Variants in BEND7 observed in about 807,000 individuals in gnomAD.
BEND7 encodes the protein BEN domain-containing protein 7.
BEND7 carries 28 observed loss-of-function variants against 50.9 expected under a neutral mutation model. The observed-to-expected ratio is 0.55, with a 90% CI of 0.41 to 0.75. BEND7 has a LOEUF of 0.75. Ranked by LOEUF, BEND7 falls within the 30% of genes least tolerant of loss-of-function variation. The pLI is 0.00. For missense variants in BEND7, 477 were observed against 491.3 expected, an observed-to-expected ratio of 0.97 and a Z score of 0.28; for synonymous variants, 170 against 183.9, an observed-to-expected ratio of 0.92 and a Z score of 0.61.
intron 6 of BEND7, chr10:13,480,584 C>G: frequency 5.6e-6 from 5 of 899,808 alleles, no homozygotes; most frequent in Non-Finnish European, 3.9e-6. Context: ...AAGTCATATT[C>G]TGAGGAAGCT....
chr10:13,441,959 G>C (rs1835391758), intron 8 of BEND7: 1 of 596,540 alleles, frequency 1.7e-6, no homozygotes, highest in Non-Finnish European at 3.0e-6. Context: ...CCAGCTTTTT[G>C]TTACAGTACA....
chr10:13,499,949 A>C lies in BEND7; in HGVS notation c.277T>G (p.Leu93Val), dbSNP rs2132198764. The change falls in exon 3 of 9, where the codon TTA becomes GTA. Residue 93 changes from leucine (L) to valine (V), a missense_variant. By Grantham distance (32) the Leu-to-Val change is conservative. This residue lies in a region of BEND7 where 396 missense variants were observed against 384.2 expected (regional missense o/e 1.03). Transcript: ENST00000466271. ...KLKEEPQDLD[L>V]VWPPRLNSSA... ...GAGTTCAAACGTGGAGGCCAGACTA[A>C]ATCCAGGTCCTGGGGCTCTTCTTTT... 6.2e-7 allele frequency: 1 copy of C among 1,614,140 alleles called. No homozygotes were observed. The highest frequency in any genetic ancestry group is 2.2e-5 in the East Asian group (1 of 44,880).
chr10:13,460,465 A>T (rs1000138149), intron 6 of BEND7, among the ~76,000 whole-genome samples: 8 of 152,150 alleles, frequency 5.3e-5, no homozygotes, highest in African/African-American at 1.9e-4. Context: ...GGGTCTCACT[A>T]TGTTGCCCAG....
chr10:13,510,915 C>T (rs1403636483), intron 2 of BEND7, among the ~76,000 whole-genome samples: 1 of 151,780 alleles, frequency 6.6e-6, no homozygotes, highest in Non-Finnish European at 1.5e-5. Context: ...CAGTGGCTCA[C>T]GCCTATAATC....
chr10:13,454,813 G>T (rs1307676413), intron 6 of BEND7, among the ~76,000 whole-genome samples: 5 of 152,190 alleles, frequency 3.3e-5, no homozygotes, highest in Non-Finnish European at 7.3e-5. Context: ...GAAATCTACA[G>T]TTCAGAGAAG....
chr10:13,490,683 T>G (rs2076590149), intron 5 of BEND7, among the ~76,000 whole-genome samples: 1 of 152,248 alleles, frequency 6.6e-6, no homozygotes, highest in South Asian at 2.1e-4. Flanking sequence ...TGCCCACAGA[T>G]AAAGGCTGAA....
At chr10:13,469,201 T>C (rs1018351679) in intron 6 of BEND7, among the ~76,000 whole-genome samples, 1 of 151,712 alleles carries the variant, frequency 6.6e-6, no homozygotes, top group Admixed American at 6.6e-5. Context: ...TATAAAAGGG[T>C]TTCTGAGAAA....
chr10:13,523,540 C>T (rs749273241), intron 2 of BEND7, among the ~76,000 whole-genome samples: 19 of 152,184 alleles, frequency 1.2e-4, no homozygotes, highest in Admixed American at 3.9e-4. Context: ...TATAGACCAT[C>T]CCTGGGACAG....
chr10:13,478,206 C>G (rs1157533059), intron 6 of BEND7, among the ~76,000 whole-genome samples: 2 of 152,156 alleles, frequency 1.3e-5, no homozygotes, highest in African/African-American at 2.4e-5. Context: ...CCAGTGTCCT[C>G]TCCTGTGATC....
At position 13,518,576 on chromosome 10, in the gene BEND7, C is replaced by A. The variant is rs144512757; in HGVS notation, c.145+7562G>T. Among the ~76,000 whole-genome samples the A allele has an allele frequency of 1.5e-3, 233 of 152,292 alleles. 7 individuals are homozygous for A. In the South Asian group the frequency reaches 0.038, roughly 25 times the overall value. ...ACCTGTGTTAGAGCAGAATAAGGAA[C>A]AAGCAGAACAAATGTGATTTTCCAA... On this transcript the variant is annotated intron_variant, in intron 2 of 8. Transcript: ENST00000466271.
intron 5 of BEND7, among the ~76,000 whole-genome samples, chr10:13,487,205 A>C (rs558641040): frequency 1.2e-4 from 18 of 152,128 alleles, no homozygotes; most frequent in Non-Finnish European, 2.4e-4. Flanking sequence ...TTTTCACCCT[A>C]TGAAATGGCT....
chr10:13,487,073 A>G (rs2131866323), intron 5 of BEND7, among the ~76,000 whole-genome samples: 1 of 152,356 alleles, frequency 6.6e-6, no homozygotes, highest in South Asian at 2.1e-4. Context: ...CTTCAAGGGC[A>G]GGGACTATTT....
chr10:13,492,710 C>T lies in BEND7; in HGVS notation c.738G>A (p.Val246=). Residue 246 remains valine (V), a synonymous_variant, in exon 5 of 9, where the codon GTG becomes GTA. Coordinates refer to ENST00000466271, the MANE Select transcript of BEND7 (RefSeq NM_001369863.1). Reference sequence around the variant, plus strand: ...CCTGGAGAGCAGATAGCTCAGAGGCCACCACCGACTTTTTCTCCATCTCTG... The same window carrying T: ...CCTGGAGAGCAGATAGCTCAGAGGCTACCACCGACTTTTTCTCCATCTCTG... The part of the protein sequence containing the change: ...SGSEMEKKSV[V]ASELSALQAA... 6.2e-7 allele frequency: 1 copy of T among 1,614,148 alleles called. No individual in the cohort carries two copies. Among genetic ancestry groups the T allele is most frequent in the Non-Finnish European group, 8.5e-7 (1 of 1,180,030 alleles).
At chr10:13,439,157 A>C (rs577638755), downstream of BEND7, 6 of 1,582,992 alleles carry the variant, frequency 3.8e-6, no homozygotes, top group African/African-American at 8.1e-5. Flanking sequence ...ACACACATAA[A>C]TAAGCAAGAT....
chr10:13,521,884 T>A (rs2079101991), intron 2 of BEND7, among the ~76,000 whole-genome samples: 1 of 152,230 alleles, frequency 6.6e-6, no homozygotes, highest in African/African-American at 2.4e-5. Flanking sequence ...CTCTCTAACT[T>A]GTAAAAGTGC....
intron 3 of BEND7, among the ~76,000 whole-genome samples, chr10:13,497,596 A>G (rs893754450): frequency 6.6e-6 from 1 of 152,088 alleles, no homozygotes. Flanking sequence ...CCTCTTTTGC[A>G]CTGTTTAAAT....
Position 13,481,077 on chromosome 10 carries a change from A to C in BEND7, c.885T>G (p.Ser295=). 1 of 1,614,164 alleles carries C rather than the reference A, an allele frequency of 6.2e-7. No individual in the cohort carries two copies. The highest frequency in any genetic ancestry group is 8.5e-7 in the Non-Finnish European group (1 of 1,180,024). Residue 295 remains serine (S), a synonymous_variant, in exon 6 of 9, where the codon TCT becomes TCG. Transcript: ENST00000466271. ...AGTTTGACAATATAGAGTCCAGCTGAGATTTAGGCATAAACACGTCAAAGC... is the reference window on the plus strand; with the variant it reads ...AGTTTGACAATATAGAGTCCAGCTGCGATTTAGGCATAAACACGTCAAAGC... ...AEGFDVFMPK[S]QLDSILSNYT...
intron 4 of BEND7, 40 bp downstream of exon 4, chr10:13,496,726 T>C (rs756053856): frequency 6.3e-7 from 1 of 1,594,080 alleles, no homozygotes; most frequent in South Asian, 1.1e-5. Flanking sequence ...AGATATGCAT[T>C]AAAAATCAAA....
At chr10:13,475,974 C>T (rs375973653) in intron 6 of BEND7, among the ~76,000 whole-genome samples, 29 of 152,136 alleles carry the variant, frequency 1.9e-4, no homozygotes, top group African/African-American at 7.0e-4. Context: ...AATGTTTCAA[C>T]CTTGTTCTTA....
Sources: allele counts gnomAD v4.1 joint callset (sites outside exome capture counted in the v4.1 genomes callset), GRCh38; gene constraint gnomAD v4.1.1; regional missense constraint gnomAD v4.1.1; transcripts MANE v1.5; gene names NCBI Gene and HGNC (gene_info 2026-07-23, HGNC 2026-07-21).